PIP5K1B: variants seen among roughly 807,000 people sequenced by gnomAD.
PIP5K1B encodes the protein phosphatidylinositol 4-phosphate 5-kinase type-1 beta.
A neutral mutation model predicts 67.0 loss-of-function variants in PIP5K1B; 42 were observed. The ratio of observed to expected loss-of-function variants is 0.63; its 90% CI spans 0.49 to 0.81. The LOEUF (loss-of-function observed/expected upper bound fraction) is 0.81. Among genes scored for constraint, PIP5K1B ranks in the 30% least tolerant of loss-of-function variants. The pLI is 0.00. For missense variants in PIP5K1B, 459 were observed against 646.3 expected (o/e 0.71, Z 3.14); for synonymous variants, 214 against 231.4 (o/e 0.92, Z 0.68).
chr9:68,999,707 A>G (rs982272235), intron 15 of PIP5K1B, among the ~76,000 whole-genome samples: 2 of 152,194 alleles, frequency 1.3e-5, no homozygotes, highest in African/African-American at 4.8e-5. Context: ...TAGCTGTCCC[A>G]TTACACGTGC....
At chr9:68,805,649 T>C (rs1174996199) in intron 2 of PIP5K1B, among the ~76,000 whole-genome samples, 2 of 152,080 alleles carry the variant, frequency 1.3e-5, no homozygotes, top group Non-Finnish European at 2.9e-5. Context: ...CCAGAGCCTC[T>C]TCCTGTGACC....
chr9:68,930,804 T>G (rs111327764), intron 12 of PIP5K1B, among the ~76,000 whole-genome samples: 5 of 152,072 alleles, frequency 3.3e-5, no homozygotes, highest in Non-Finnish European at 7.4e-5. Flanking sequence ...CGTCCATGGA[T>G]TCCCTGGTGC....
intron 4 of PIP5K1B, among the ~76,000 whole-genome samples, chr9:68,844,080 C>T (rs1822057918): frequency 6.6e-6 from 1 of 152,196 alleles, no homozygotes; most frequent in African/African-American, 2.4e-5. Flanking sequence ...TAACTGATTA[C>T]TTGTGTACAT....
At chr9:68,885,997 C>A (rs939749414) in intron 6 of PIP5K1B, among the ~76,000 whole-genome samples, 1 of 151,928 alleles carries the variant, frequency 6.6e-6, no homozygotes, top group African/African-American at 2.4e-5. Flanking sequence ...CTAGCTAATG[C>A]GGTGAAACCC....
intron 2 of PIP5K1B, among the ~76,000 whole-genome samples, chr9:68,756,664 CCAAA>C (rs1344825090): frequency 3.3e-5 from 5 of 152,084 alleles, no homozygotes; most frequent in African/African-American, 1.2e-4. Flanking sequence ...CTTCTTTGCA[CCAAA>C]CAAATATCTT....
intron 8 of PIP5K1B, among the ~76,000 whole-genome samples, chr9:68,916,245 A>C (rs1265060069): frequency 6.6e-6 from 1 of 152,180 alleles, no homozygotes; most frequent in Non-Finnish European, 1.5e-5. Flanking sequence ...AGAATCATAT[A>C]CAGACTAGTA....
At chr9:68,721,857 T>C (rs1564087738) in intron 1 of PIP5K1B, among the ~76,000 whole-genome samples, 1 of 152,168 alleles carries the variant, frequency 6.6e-6, no homozygotes, top group Non-Finnish European at 1.5e-5. Flanking sequence ...AGATCACTTG[T>C]TGATCTTCAC....
intron 14 of PIP5K1B, among the ~76,000 whole-genome samples, chr9:68,946,505 A>AC (rs978440628): frequency 1.3e-5 from 2 of 151,274 alleles, no homozygotes; most frequent in African/African-American, 4.9e-5. Context: ...CAATTCCCCT[A>AC]CCTCAGCCTC....
chr9:68,875,499 T>C (rs115682445), intron 5 of PIP5K1B, among the ~76,000 whole-genome samples: 166 of 152,296 alleles, frequency 1.1e-3, no homozygotes, highest in African/African-American at 3.9e-3. Flanking sequence ...TAACATTATG[T>C]TGAAGACTCA....
chr9:68,799,347 C>G (rs1456037543), intron 2 of PIP5K1B, among the ~76,000 whole-genome samples: 1 of 152,140 alleles, frequency 6.6e-6, no homozygotes, highest in Non-Finnish European at 1.5e-5. Flanking sequence ...CTTAGTTGCA[C>G]TTCTTATCAA....
chr9:68,881,089 G>T (rs1398144507), intron 6 of PIP5K1B, among the ~76,000 whole-genome samples: 2 of 152,198 alleles, frequency 1.3e-5, no homozygotes, highest in African/African-American at 2.4e-5. Context: ...GATGCCCAAG[G>T]TTACACACAT....
At chr9:68,935,588 A>C (rs1827221802) in intron 13 of PIP5K1B, among the ~76,000 whole-genome samples, 1 of 152,258 alleles carries the variant, frequency 6.6e-6, no homozygotes, top group African/African-American at 2.4e-5. Flanking sequence ...TAATTCAAAA[A>C]GAAAAATGTC....
intron 2 of PIP5K1B, among the ~76,000 whole-genome samples, chr9:68,757,666 G>GTGATTTTAAAATTATTTTT: frequency 6.6e-6 from 1 of 152,096 alleles, no homozygotes; most frequent in Non-Finnish European, 1.5e-5. Flanking sequence ...GCTGAAATAT[G>GTGATTTTAAAATTATTTTT]TGATTTTAAA....
chr9:68,803,870 G>A (rs546279432), intron 2 of PIP5K1B, among the ~76,000 whole-genome samples: 3 of 152,312 alleles, frequency 2.0e-5, no homozygotes, highest in Admixed American at 1.3e-4. Context: ...AGGAGGACTG[G>A]TCATTCATCA....
At chr9:68,919,212 C>T (rs1336976990) in intron 9 of PIP5K1B, among the ~76,000 whole-genome samples, 1 of 152,156 alleles carries the variant, frequency 6.6e-6, no homozygotes. Context: ...TTCTTCCCAT[C>T]CAACTCTTCA....
At chr9:68,964,077 A>G (rs780122339) in intron 14 of PIP5K1B, 16 of 152,226 alleles carry the variant, frequency 1.1e-4, no homozygotes, top group African/African-American at 1.4e-4. Context: ...AATGAAATCA[A>G]TAGCATTTTC....
intron 2 of PIP5K1B, among the ~76,000 whole-genome samples, chr9:68,815,148 A>G (rs1177013224): frequency 1.3e-5 from 2 of 152,152 alleles, no homozygotes; most frequent in African/African-American, 2.4e-5. Flanking sequence ...ATTGAAAATC[A>G]AATACAAAAT....
At chr9:69,007,726 A>G (rs182936260) in intron 15 of PIP5K1B, among the ~76,000 whole-genome samples, 42 of 152,250 alleles carry the variant, frequency 2.8e-4, no homozygotes, top group African/African-American at 5.1e-4. Context: ...GCGTGATGGC[A>G]GGCAGCTGTA....
chr9:68,714,427 C>T (rs1162954972), intron 1 of PIP5K1B, among the ~76,000 whole-genome samples: 3 of 152,178 alleles, frequency 2.0e-5, no homozygotes, highest in African/African-American at 4.8e-5. Flanking sequence ...ATCATTTGTG[C>T]GGATTCTATC....
Sources: allele counts gnomAD v4.1 joint callset (sites outside exome capture counted in the v4.1 genomes callset), GRCh38; gene constraint gnomAD v4.1.1; transcripts MANE v1.5; gene names NCBI Gene and HGNC (gene_info 2026-07-23, HGNC 2026-07-21).